Variants in RP1 observed in about 807,000 individuals in gnomAD.
RP1 encodes the protein oxygen-regulated protein 1.
A neutral mutation model predicts 14.8 loss-of-function variants in RP1; 16 were observed. That is an observed-to-expected ratio of 1.08 (90% CI 0.73 to 1.65). The LOEUF is 1.65. RP1 is among the 40% of genes most tolerant of loss of function. The pLI, the probability that RP1 is intolerant of heterozygous loss-of-function variation, is 0.00. For missense variants in RP1, 2,631 were observed against 2,535.0 expected, an observed-to-expected ratio of 1.04 and a Z score of -0.81; for synonymous variants, 876 against 883.6, an observed-to-expected ratio of 0.99 and a Z score of 0.15.
chr8:54,796,892 C>A (rs1486125969), intron 24 of RP1, among the ~76,000 whole-genome samples: 1 of 152,062 alleles, frequency 6.6e-6, no homozygotes, highest in East Asian at 1.9e-4. Flanking sequence ...TTAAATTTGC[C>A]AACAAAGAGG....
At chr8:54,821,782 C>T (rs535835007) in intron 24 of RP1, among the ~76,000 whole-genome samples, 2 of 152,184 alleles carry the variant, frequency 1.3e-5, no homozygotes, top group Admixed American at 1.3e-4. Context: ...AGCTCTCCTG[C>T]GTCCTGTACT....
At chr8:54,783,334 T>C (rs1435397818) in intron 23 of RP1, among the ~76,000 whole-genome samples, 1 of 152,214 alleles carries the variant, frequency 6.6e-6, no homozygotes, top group Non-Finnish European at 1.5e-5. Flanking sequence ...AAAAGCCCAC[T>C]ACTATTTGTT....
Position 54,629,642 on chromosome 8 carries a change from A to C in RP1, c.5760A>C (p.Ile1920=), listed in dbSNP as rs775525567. ...LYALCGQHCP[I]LTVIIQPMNE... The stretch of plus-strand genomic sequence containing the variant: ...CTCTTTGTGGTCAACATTGCCCAAT[A>C]CTAACTGTTATTATCCAACCCATGA... Residue 1920 remains isoleucine, a synonymous_variant, in exon 4 of 4, where the codon ATA becomes ATC. Transcript: ENST00000220676. The C allele has an allele frequency of 1.2e-6, 2 of 1,613,966 alleles. No individual in the cohort carries two copies. The highest frequency in any genetic ancestry group is 1.7e-6 in the Non-Finnish European group (2 of 1,179,998).
At chr8:54,591,306 A>G (rs1483137128) in intron 1 of RP1, among the ~76,000 whole-genome samples, 6 of 152,090 alleles carry the variant, frequency 3.9e-5, no homozygotes, top group Non-Finnish European at 8.8e-5. Context: ...TTGACTCTCC[A>G]TCTTGTTACT....
In RP1 at chr8:54,655,309, A is replaced by G. The variant is rs571410098; in HGVS notation, c.1039-774A>G. On this transcript the variant is annotated intron_variant, in intron 5 of 22. Coordinates refer to the RP1 transcript ENST00000636932. ...TACTGGAACTCCAAGAGATACTGTA[A>G]AAGAATAATAGTACTCTATTCAGAA... 1.6e-3 allele frequency among the ~76,000 whole-genome samples: 241 copies of G among 152,344 alleles called. 3 individuals are homozygous for G. In the South Asian group the frequency reaches 0.045, roughly 29 times the overall value.
At chr8:54,739,899 T>A (rs1295966454) in intron 19 of RP1, among the ~76,000 whole-genome samples, 1 of 152,226 alleles carries the variant, frequency 6.6e-6, no homozygotes, top group Non-Finnish European at 1.5e-5. Flanking sequence ...CCTATTGTAA[T>A]GAATTACTCA....
At chr8:54,842,784 C>T (rs892984161) in intron 25 of RP1, among the ~76,000 whole-genome samples, 10 of 152,160 alleles carry the variant, frequency 6.6e-5, no homozygotes, top group Non-Finnish European at 1.2e-4. Flanking sequence ...ACTTGTGTCC[C>T]GCCACCACCT....
Position 54,625,293 on chromosome 8 carries a change from T to C in RP1, c.1411T>C (p.Ser471Pro), listed in dbSNP as rs1297351853. The C allele has an allele frequency of 6.2e-7, 1 of 1,614,178 alleles. No individual in the cohort carries two copies. The highest frequency in any genetic ancestry group is 1.1e-5 in the South Asian group (1 of 91,084). ...TGTGATTGGCAGTGTGACCTTAGTATCTGAAACTGAGGTTCAAGAGAAAAT... is the reference window on the plus strand; with the variant it reads ...TGTGATTGGCAGTGTGACCTTAGTACCTGAAACTGAGGTTCAAGAGAAAAT... Reference protein sequence around the residue: ...KSVIGSVTLVSETEVQEKMIG... With the variant: ...KSVIGSVTLVPETEVQEKMIG... The change falls in exon 4 of 4, where the codon TCT becomes CCT. Residue 471 changes from serine (S) to proline (P), a missense_variant. By Grantham distance (74) the Ser-to-Pro change is moderately conservative. Transcript: ENST00000220676.
At chr8:54,621,678 TC>T in intron 2 of RP1, 97 bp downstream of exon 2, 1 of 1,539,462 alleles carries the variant, frequency 6.5e-7, no homozygotes, top group Non-Finnish European at 8.9e-7. Context: ...GGGAAGGAAA[TC>T]TTCCTTCCTC....
chr8:54,824,826 T>C (rs1349738956), intron 24 of RP1, among the ~76,000 whole-genome samples: 2 of 152,248 alleles, frequency 1.3e-5, no homozygotes, highest in Non-Finnish European at 2.9e-5. Context: ...ATGATCATGT[T>C]AATTGATGCA....
intron 24 of RP1, among the ~76,000 whole-genome samples, chr8:54,806,551 A>G (rs1003219969): frequency 2.0e-5 from 3 of 152,084 alleles, no homozygotes; most frequent in African/African-American, 7.2e-5. Flanking sequence ...ATTTTTTTCA[A>G]CTCCCACATT....
At position 54,627,008 on chromosome 8, in the gene RP1, T is replaced by C. The variant is rs200406407; in HGVS notation, c.3126T>C (p.Ala1042=). The change falls in exon 4 of 4, where the codon GCT becomes GCC. Residue 1042 remains alanine (A), a synonymous_variant. Coordinates refer to ENST00000220676, the MANE Select transcript of RP1 (RefSeq NM_006269.2). Reference sequence around the variant, plus strand: ...ATAATACTAAAAGTCATATAGCTGCTGAAAAATCAGGACCAGAGAAAAAAC... The same window carrying C: ...ATAATACTAAAAGTCATATAGCTGCCGAAAAATCAGGACCAGAGAAAAAAC... ...NDHNTKSHIA[A]EKSGPEKKLV... 1 of 1,614,036 alleles carries C rather than the reference T, an allele frequency of 6.2e-7. No individual in the cohort carries two copies. Among genetic ancestry groups the C allele is most frequent in the African/African-American group, 1.3e-5 (1 of 75,040 alleles).
intron 15 of RP1, among the ~76,000 whole-genome samples, chr8:54,711,943 A>G (rs944439573): frequency 6.6e-6 from 1 of 152,196 alleles, no homozygotes; most frequent in Non-Finnish European, 1.5e-5. Context: ...TTTTATAGAT[A>G]CTTATGCAGA....
At position 54,706,441 on chromosome 8, in the gene RP1, A is replaced by G; in HGVS notation, c.1999-2A>G. On this transcript the variant is annotated splice_acceptor_variant, in intron 14 of 22. Coordinates refer to the RP1 transcript ENST00000636932. LOFTEE classifies it high-confidence loss of function. ...CTTTCTGTTCTGTTTGTTGCTCTGA[A>G]GGGGGTGTTCCTCAACAGTGCTGTG... 1 of 1,535,672 alleles carries G rather than the reference A, an allele frequency of 6.5e-7. No homozygotes were observed.
At chr8:54,737,344 A>G (rs1247651150) in intron 18 of RP1, among the ~76,000 whole-genome samples, 1 of 152,200 alleles carries the variant, frequency 6.6e-6, no homozygotes, top group Non-Finnish European at 1.5e-5. Context: ...ACAGACAGAT[A>G]GGTATCAAGT....
intron 16 of RP1, among the ~76,000 whole-genome samples, chr8:54,725,263 A>G (rs1289904436): frequency 6.6e-6 from 1 of 152,154 alleles, no homozygotes; most frequent in Non-Finnish European, 1.5e-5. Flanking sequence ...TTCTCCATGA[A>G]CATATTTCTA....
At chr8:54,801,644 C>T (rs1483585276) in intron 24 of RP1, among the ~76,000 whole-genome samples, 1 of 152,112 alleles carries the variant, frequency 6.6e-6, no homozygotes, top group Non-Finnish European at 1.5e-5. Context: ...CTCAACCTTC[C>T]CTGCAAGTGC....
At chr8:54,622,333 T>C in intron 3 of RP1, 45 bp downstream of exon 3, 1 of 1,567,536 alleles carries the variant, frequency 6.4e-7, no homozygotes. Context: ...AGCCCTGAGA[T>C]TTTTTTTGCC....
intron 8 of RP1, among the ~76,000 whole-genome samples, chr8:54,677,487 G>A (rs138181334): frequency 2.0e-5 from 3 of 152,272 alleles, no homozygotes; most frequent in Non-Finnish European, 2.9e-5. Flanking sequence ...AGCATGTTGC[G>A]AGGCTGAGGT....
Sources: allele counts gnomAD v4.1 joint callset (sites outside exome capture counted in the v4.1 genomes callset), GRCh38; gene constraint gnomAD v4.1.1; transcripts MANE v1.5; gene names NCBI Gene and HGNC (gene_info 2026-07-23, HGNC 2026-07-21).